UBE2E2: variants seen among roughly 807,000 people sequenced by gnomAD.
The protein encoded by UBE2E2 is ubiquitin conjugating enzyme E2 E2.
A neutral mutation model predicts 24.7 loss-of-function variants in UBE2E2; 6 were observed. That is an observed-to-expected ratio of 0.24 (90% confidence interval 0.13 to 0.48). UBE2E2 has a LOEUF of 0.48. Ranked by LOEUF, UBE2E2 falls within the 20% of genes least tolerant of loss-of-function variation. The probability of loss-of-function intolerance (pLI) is 0.99; values close to 1 mark genes in which losing one functional copy is unlikely to be tolerated. For synonymous variants in UBE2E2, 104 were observed against 83.6 expected, an observed-to-expected ratio of 1.24 and a Z score of -1.33; for missense variants, 169 against 245.0, an observed-to-expected ratio of 0.69 and a Z score of 2.07.
intron 3 of UBE2E2, among the ~76,000 whole-genome samples, chr3:23,261,126 G>C (rs796902046): frequency 4.0e-5 from 6 of 151,302 alleles, no homozygotes; most frequent in African/African-American, 7.3e-5. Context: ...AGGAAAAAAA[G>C]AAAAGTAATG....
intron 3 of UBE2E2, among the ~76,000 whole-genome samples, chr3:23,222,273 A>G (rs893155616): frequency 3.9e-5 from 6 of 152,272 alleles, no homozygotes; most frequent in Middle Eastern, 3.4e-3. Flanking sequence ...GGTTGGTTCC[A>G]TATTTTAGCT....
intron 4 of UBE2E2, among the ~76,000 whole-genome samples, chr3:23,501,899 A>T (rs965298053): frequency 6.6e-6 from 1 of 152,130 alleles, no homozygotes; most frequent in Non-Finnish European, 1.5e-5. Context: ...TGGACCAGAC[A>T]ATCTCTAAGG....
chr3:23,331,489 G>A (rs1168234786), intron 3 of UBE2E2, among the ~76,000 whole-genome samples: 1 of 151,346 alleles, frequency 6.6e-6, no homozygotes, highest in East Asian at 1.9e-4. Flanking sequence ...AGAGATAGCT[G>A]TCAATGGATG....
intron 3 of UBE2E2, among the ~76,000 whole-genome samples, chr3:23,359,940 T>G (rs557042754): frequency 6.6e-6 from 1 of 151,928 alleles, no homozygotes; most frequent in Admixed American, 6.6e-5. Flanking sequence ...GAGAAAAATC[T>G]CTGAGCTGCC....
chr3:23,333,888 G>A (rs773960968), intron 3 of UBE2E2, among the ~76,000 whole-genome samples: 13 of 152,068 alleles, frequency 8.5e-5, no homozygotes, highest in Non-Finnish European at 1.2e-4. Flanking sequence ...ACTAGCCTAA[G>A]ATAACAGACT....
intron 5 of UBE2E2, among the ~76,000 whole-genome samples, chr3:23,552,530 C>T (rs560685601): frequency 6.6e-6 from 1 of 152,144 alleles, no homozygotes; most frequent in African/African-American, 2.4e-5. Context: ...AGGACAGTCA[C>T]CAAGGAGAGG....
At chr3:23,341,580 C>T (rs1448180037) in intron 3 of UBE2E2, among the ~76,000 whole-genome samples, 3 of 152,172 alleles carry the variant, frequency 2.0e-5, no homozygotes, top group African/African-American at 2.4e-5. Context: ...TCTTATCCAG[C>T]TGACAGCTGT....
intron 3 of UBE2E2, among the ~76,000 whole-genome samples, chr3:23,281,816 T>C (rs982970902): frequency 2.0e-5 from 3 of 152,236 alleles, no homozygotes; most frequent in African/African-American, 4.8e-5. Flanking sequence ...AAATATGATA[T>C]ACAAAATAGT....
intron 5 of UBE2E2, among the ~76,000 whole-genome samples, chr3:23,546,460 A>AT (rs899923576): frequency 0.011 from 844 of 76,892 alleles, 35 homozygotes; most frequent in African/African-American, 0.013. Flanking sequence ...GAACATTTAG[A>AT]TTTTTTTTTT....
intron 3 of UBE2E2, among the ~76,000 whole-genome samples, chr3:23,248,510 G>A (rs1487784599): frequency 6.6e-6 from 1 of 152,210 alleles, no homozygotes; most frequent in Non-Finnish European, 1.5e-5. Flanking sequence ...CATTAAATTT[G>A]TATGGCATTA....
intron 3 of UBE2E2, among the ~76,000 whole-genome samples, chr3:23,468,515 A>G (rs1698970281): frequency 6.6e-6 from 1 of 152,256 alleles, no homozygotes; most frequent in Admixed American, 6.5e-5. Context: ...GTATAGTTAT[A>G]CTATATCGAG....
chr3:23,421,284 A>G (rs1341182181), intron 3 of UBE2E2, among the ~76,000 whole-genome samples: 1 of 152,258 alleles, frequency 6.6e-6, no homozygotes, highest in Non-Finnish European at 1.5e-5. Context: ...GTCTAGCACA[A>G]CTGGCTTAGG....
chr3:23,522,176 G>A (rs796194817), intron 4 of UBE2E2, among the ~76,000 whole-genome samples: 1 of 140,576 alleles, frequency 7.1e-6, no homozygotes, highest in Non-Finnish European at 1.5e-5. Flanking sequence ...TGTTGCCCAG[G>A]CTGGAGTGCA....
chr3:23,309,428 A>G (rs2125274878), intron 3 of UBE2E2, among the ~76,000 whole-genome samples: 1 of 152,326 alleles, frequency 6.6e-6, no homozygotes, highest in African/African-American at 2.4e-5. Flanking sequence ...CTACATCATC[A>G]GCCGGGCCTG....
At chr3:23,248,882 G>A (rs564222993) in intron 3 of UBE2E2, among the ~76,000 whole-genome samples, 22 of 152,224 alleles carry the variant, frequency 1.4e-4, no homozygotes, top group Non-Finnish European at 3.2e-4. Flanking sequence ...AACATTGGCT[G>A]TTTTGGCCTT....
chr3:23,511,471 A>G (rs1301333924), intron 4 of UBE2E2, among the ~76,000 whole-genome samples: 2 of 152,234 alleles, frequency 1.3e-5, no homozygotes, highest in Admixed American at 6.5e-5. Context: ...AGAAATGTTC[A>G]GCCAACAGCT....
At chr3:23,391,890 C>T (rs1431880868) in intron 3 of UBE2E2, among the ~76,000 whole-genome samples, 3 of 152,034 alleles carry the variant, frequency 2.0e-5, no homozygotes, top group Non-Finnish European at 4.4e-5. Context: ...GACGTTATTA[C>T]CCCTCCACCA....
At chr3:23,591,861 C>A (rs1696772305), downstream of UBE2E2, 1 of 152,146 alleles carries the variant, frequency 6.6e-6, no homozygotes, top group Admixed American at 6.5e-5. Context: ...TTTATTTTTA[C>A]TTCAGATTTT....
intron 3 of UBE2E2, among the ~76,000 whole-genome samples, chr3:23,358,333 T>C (rs1696022927): frequency 1.3e-5 from 2 of 152,202 alleles, no homozygotes; most frequent in South Asian, 4.1e-4. Context: ...AAAATAACTT[T>C]GTGTATGATG....
Sources: gnomAD v4.1 joint callset for allele counts (sites outside exome capture counted in the v4.1 genomes callset) on GRCh38, gnomAD v4.1.1 for gene constraint, MANE v1.5 for transcripts, NCBI Gene and HGNC (gene_info 2026-07-23, HGNC 2026-07-21) for gene names.